SUPT3H: variants seen among roughly 807,000 people sequenced by gnomAD.
The protein encoded by SUPT3H is SPT3 homolog, SAGA and STAGA complex component.
In SUPT3H, 44 loss-of-function variants were observed where a neutral mutation model predicts 44.3. The observed-to-expected ratio is 0.99, with a 90% CI of 0.78 to 1.28. The LOEUF is 1.28. Among genes scored for constraint, SUPT3H ranks in the 50% most tolerant of loss-of-function variants. SUPT3H has a pLI of 0.00. For synonymous variants in SUPT3H, 124 were observed against 125.6 expected (o/e 0.99, Z 0.09); for missense variants, 380 against 387.1 (o/e 0.98, Z 0.15).
chr6:45,170,445 C>G lies in SUPT3H; in HGVS notation c.102-64439G>C, dbSNP rs553688825. ...CTACAGAAAAACCTCTCTGCCCTCT[C>G]CAGCCAAATAAAATGTTTATGTTCA... On this transcript the variant is annotated intron_variant, in intron 2 of 10. Coordinates refer to ENST00000371459, the MANE Select transcript of SUPT3H (RefSeq NM_003599.4). 1.8e-3 allele frequency among the ~76,000 whole-genome samples: 279 copies of G among 152,306 alleles called. 1 individual carries two copies. Among genetic ancestry groups the G allele is most frequent in the African/African-American group, 6.2e-3 (258 of 41,558 alleles).
At chr6:44,860,596 T>C (rs1433016296) in intron 10 of SUPT3H, among the ~76,000 whole-genome samples, 3 of 152,172 alleles carry the variant, frequency 2.0e-5, no homozygotes, top group Non-Finnish European at 4.4e-5. Flanking sequence ...GATTCAGCCA[T>C]GACATACTAT....
At chr6:44,903,878 T>C (rs902612840) in intron 10 of SUPT3H, among the ~76,000 whole-genome samples, 1 of 152,102 alleles carries the variant, frequency 6.6e-6, no homozygotes, top group South Asian at 2.1e-4. Flanking sequence ...TGGTTCAACA[T>C]ACGAAAATCA....
chr6:45,020,265 A>G (rs1266149606), intron 4 of SUPT3H, among the ~76,000 whole-genome samples: 1 of 151,950 alleles, frequency 6.6e-6, no homozygotes, highest in Non-Finnish European at 1.5e-5. Context: ...TAGAGTCAGT[A>G]TTTAGTGAGT....
At chr6:45,319,930 T>C (rs990748002) in intron 2 of SUPT3H, among the ~76,000 whole-genome samples, 5 of 152,078 alleles carry the variant, frequency 3.3e-5, no homozygotes, top group Non-Finnish European at 7.4e-5. Context: ...TTATTAGTAA[T>C]AATGAAAAGT....
chr6:44,870,227 A>G (rs936716486), intron 10 of SUPT3H, among the ~76,000 whole-genome samples: 4 of 152,338 alleles, frequency 2.6e-5, no homozygotes, highest in African/African-American at 9.6e-5. Context: ...AGCTCTTTCA[A>G]TTAACATGTA....
At chr6:45,166,016 G>C (rs544242971) in intron 2 of SUPT3H, among the ~76,000 whole-genome samples, 2 of 152,192 alleles carry the variant, frequency 1.3e-5, no homozygotes, top group Admixed American at 6.5e-5. Flanking sequence ...ATGTAGGCCA[G>C]GCACAGTGGC....
chr6:45,118,280 C>T (rs573386907), intron 2 of SUPT3H, among the ~76,000 whole-genome samples: 1 of 152,212 alleles, frequency 6.6e-6, no homozygotes, highest in East Asian at 1.9e-4. Flanking sequence ...ACATACATCT[C>T]TGTATCTACC....
chr6:45,202,816 G>C (rs1762640180), intron 2 of SUPT3H, among the ~76,000 whole-genome samples: 1 of 151,978 alleles, frequency 6.6e-6, no homozygotes, highest in Non-Finnish European at 1.5e-5. Context: ...GAGGTAGTTA[G>C]TACTTACACA....
intron 10 of SUPT3H, among the ~76,000 whole-genome samples, chr6:44,912,401 G>A (rs901125326): frequency 6.6e-6 from 1 of 152,138 alleles, no homozygotes; most frequent in Non-Finnish European, 1.5e-5. Context: ...GTTATAGCAC[G>A]TATCAGAACC....
intron 2 of SUPT3H, among the ~76,000 whole-genome samples, chr6:45,346,360 AGGGT>A (rs1377254183): frequency 6.6e-6 from 1 of 152,144 alleles, no homozygotes; most frequent in Non-Finnish European, 1.5e-5. Flanking sequence ...GAAACGAAGA[AGGGT>A]GAGAGGGTAG....
At chr6:44,902,560 T>C (rs1213312994) in intron 10 of SUPT3H, among the ~76,000 whole-genome samples, 4 of 152,080 alleles carry the variant, frequency 2.6e-5, no homozygotes, top group Non-Finnish European at 4.4e-5. Context: ...CAAAGAGACT[T>C]AGACTCCCAC....
intron 2 of SUPT3H, among the ~76,000 whole-genome samples, chr6:45,336,771 CTATAA>C (rs1261546838): frequency 2.0e-5 from 3 of 151,356 alleles, no homozygotes; most frequent in Admixed American, 6.6e-5. Context: ...AAGTGATTTT[CTATAA>C]TATAACTTCA....
intron 2 of SUPT3H, among the ~76,000 whole-genome samples, chr6:45,189,231 TA>T (rs1649962335): frequency 1.3e-5 from 2 of 152,226 alleles, no homozygotes; most frequent in South Asian, 4.1e-4. Context: ...CCCTAGTAAG[TA>T]AAATAAAATG....
chr6:44,979,350 T>C (rs374288383), intron 6 of SUPT3H, among the ~76,000 whole-genome samples: 16 of 152,230 alleles, frequency 1.1e-4, no homozygotes, highest in Middle Eastern at 3.4e-3. Context: ...ATTTGATAGG[T>C]TGATAGGTTT....
At chr6:44,951,524 G>A (rs1774308919) in intron 9 of SUPT3H, among the ~76,000 whole-genome samples, 1 of 152,082 alleles carries the variant, frequency 6.6e-6, no homozygotes. Context: ...CCAGTCACAG[G>A]AGGGGAGGGG....
intron 3 of SUPT3H, among the ~76,000 whole-genome samples, chr6:45,045,272 A>G (rs1367335299): frequency 6.6e-6 from 1 of 152,176 alleles, no homozygotes; most frequent in Non-Finnish European, 1.5e-5. Flanking sequence ...AACTACCGTT[A>G]TAAGAAATGA....
chr6:45,362,831 T>C lies in SUPT3H; in HGVS notation c.101+2370A>G, dbSNP rs187414497. Among the ~76,000 whole-genome samples the C allele has an allele frequency of 5.7e-3, 832 of 147,032 alleles. 4 individuals are homozygous for C. The highest frequency in any genetic ancestry group is 9.7e-3 in the Non-Finnish European group (656 of 67,682). On this transcript the variant is annotated intron_variant, in intron 2 of 10. Coordinates refer to ENST00000371459, the MANE Select transcript of SUPT3H (RefSeq NM_003599.4). ...ATAAGAAAGTGCTGAATTTAGCCTT[T>C]ATTTTTTCTCAGTTTTTTTAAAATG... is the stretch of plus-strand genomic sequence containing the variant.
chr6:44,886,641 T>C (rs1478217411), intron 10 of SUPT3H, among the ~76,000 whole-genome samples: 1 of 151,988 alleles, frequency 6.6e-6, no homozygotes, highest in Non-Finnish European at 1.5e-5. Context: ...AAGGAAAAAC[T>C]GGTACCAGCC....
intron 10 of SUPT3H, among the ~76,000 whole-genome samples, chr6:44,932,337 A>G (rs929043170): frequency 6.6e-6 from 1 of 152,238 alleles, no homozygotes; most frequent in South Asian, 2.1e-4. Flanking sequence ...AAGTGCTACT[A>G]GCAATATTTA....
Sources: allele counts gnomAD v4.1 joint callset (sites outside exome capture counted in the v4.1 genomes callset), GRCh38; gene constraint gnomAD v4.1.1; transcripts MANE v1.5; gene names NCBI Gene and HGNC (gene_info 2026-07-23, HGNC 2026-07-21).